The following MBP variants were observed in gnomAD, a reference collection of about 807,000 sequenced individuals.
MBP encodes the protein Golli-MBP.
Under a neutral mutation model 35.8 loss-of-function variants are expected in MBP, and 16 were observed. The ratio of observed to expected loss-of-function variants is 0.45; its 90% confidence interval spans 0.30 to 0.68. The LOEUF (loss-of-function observed/expected upper bound fraction) is 0.68, where lower values mean the gene tolerates loss of function less well. Among genes scored for constraint, MBP ranks in the 30% least tolerant of loss-of-function variants. The pLI, the probability that MBP is intolerant of heterozygous loss-of-function variation, is 0.08. For synonymous variants in MBP, 143 were observed against 159.6 expected (o/e 0.90, Z 0.78); for missense variants, 380 against 404.7 (o/e 0.94, Z 0.52).
At chr18:77,014,719 T>A (rs1452882962) in intron 4 of MBP, 1 of 985,322 alleles carries the variant, frequency 1.0e-6, no homozygotes, top group African/African-American at 1.7e-5. Flanking sequence ...GATAAAATAG[T>A]TGAGTGGAGC....
intron 2 of MBP, among the ~76,000 whole-genome samples, chr18:77,100,366 G>A (rs966035681): frequency 4.6e-5 from 7 of 152,092 alleles, no homozygotes; most frequent in African/African-American, 4.8e-5. Flanking sequence ...AAGAAATGTC[G>A]GTCTTTTAAG....
intron 2 of MBP, among the ~76,000 whole-genome samples, chr18:77,092,365 C>T (rs1453883447): frequency 1.3e-5 from 2 of 152,352 alleles, no homozygotes; most frequent in East Asian, 1.9e-4. Context: ...CCCCTCCACT[C>T]TTCCAGGAAG....
At chr18:77,115,924 G>T (rs1296870234) in intron 1 of MBP, among the ~76,000 whole-genome samples, 1 of 151,988 alleles carries the variant, frequency 6.6e-6, no homozygotes, top group Non-Finnish European at 1.5e-5. Flanking sequence ...ACCTCACTGT[G>T]GTCCCTCAGA....
In MBP at chr18:77,078,126, C is replaced by T. The variant is rs1302081814; in HGVS notation, c.52-11741G>A. Among the ~76,000 whole-genome samples the T allele has an allele frequency of 3.9e-5, 6 of 152,238 alleles. No homozygotes were observed. The East Asian group carries it at 1.2e-3, about 29-fold the overall frequency. On this transcript the variant is annotated intron_variant, in intron 2 of 8. Coordinates refer to ENST00000355994, the MANE Select transcript of MBP (RefSeq NM_001025101.2). ...GAAGATGCATTTTCATGGCTAATCC[C>T]AAACCAACCCTCAAACCCTCTCATC...
At chr18:77,029,220 C>T (rs1972427574) in intron 3 of MBP, among the ~76,000 whole-genome samples, 1 of 145,604 alleles carries the variant, frequency 6.9e-6, no homozygotes, top group Non-Finnish European at 1.5e-5. Flanking sequence ...ACCAGCCCGG[C>T]CAACACAGCG....
At position 77,051,332 on chromosome 18, in the gene MBP, T is replaced by C. The variant is rs997148621; in HGVS notation, c.139+14966A>G. Among the ~76,000 whole-genome samples, 18 of 152,242 alleles carry C rather than the reference T, an allele frequency of 1.2e-4. 1 individual carries two copies. The highest frequency in any genetic ancestry group is 1.2e-3 in the Admixed American group (18 of 15,286). On this transcript the variant is annotated intron_variant, in intron 3 of 8. Coordinates refer to ENST00000355994, the MANE Select transcript of MBP (RefSeq NM_001025101.2). ...ACGCGAGCATCTCTCAGTTGCTTTG[T>C]AGCTCTCTAATGATAAAATTAACCT...
chr18:77,016,312 C>G (rs555478468), intron 4 of MBP: 1 of 987,124 alleles, frequency 1.0e-6, no homozygotes. Flanking sequence ...CCACAGAGAA[C>G]GTTTGCTCAA....
In MBP at chr18:77,057,169, C is replaced by T. The variant is rs762182859; in HGVS notation, c.139+9129G>A. On this transcript the variant is annotated intron_variant, in intron 3 of 8. Transcript: ENST00000355994. Reference sequence around the variant, plus strand: ...ACGCACAGAGGAGAAGTAACTGTTACAGTGTTTGTTTTCACATCTGTCAGA... The same window carrying T: ...ACGCACAGAGGAGAAGTAACTGTTATAGTGTTTGTTTTCACATCTGTCAGA... Among the ~76,000 whole-genome samples the T allele has an allele frequency of 2.6e-5, 4 of 152,150 alleles. No homozygotes were observed. In the South Asian group the frequency reaches 6.2e-4, roughly 24 times the overall value.
At chr18:77,018,288 C>T (rs1001949235) in intron 3 of MBP, among the ~76,000 whole-genome samples, 4 of 148,360 alleles carry the variant, frequency 2.7e-5, no homozygotes, top group Non-Finnish European at 6.0e-5. Context: ...ATCCATCCAT[C>T]CACTCATGCA....
chr18:77,001,444 T>G (rs1970629331), intron 4 of MBP, among the ~76,000 whole-genome samples: 1 of 152,156 alleles, frequency 6.6e-6, no homozygotes, highest in Admixed American at 6.5e-5. Context: ...CACGCTGCAG[T>G]TTTAACAGAT....
chr18:77,014,029 A>G, intron 4 of MBP: 1 of 985,396 alleles, frequency 1.0e-6, no homozygotes, highest in South Asian at 4.7e-5. Context: ...CCCATTCCTC[A>G]TGTGACCCTG....
intron 3 of MBP, among the ~76,000 whole-genome samples, chr18:77,061,826 T>C (rs1425995380): frequency 2.0e-5 from 3 of 152,256 alleles, no homozygotes; most frequent in African/African-American, 7.2e-5. Flanking sequence ...TAAATGTTTC[T>C]GGGATGAATA....
chr18:77,015,910 C>T (rs1204987036), intron 4 of MBP: 3 of 985,330 alleles, frequency 3.0e-6, no homozygotes, highest in East Asian at 2.3e-4. Context: ...TGCACACAGG[C>T]AGAAAAACAG....
intron 4 of MBP, among the ~76,000 whole-genome samples, chr18:76,992,600 C>T (rs1970000685): frequency 6.6e-6 from 1 of 152,180 alleles, no homozygotes; most frequent in South Asian, 2.1e-4. Context: ...CCCCTGGGCC[C>T]TAACGTGGTG....
intron 2 of MBP, chr18:77,068,929 C>T (rs1296649506): frequency 2.2e-6 from 1 of 458,264 alleles, no homozygotes; most frequent in Admixed American, 2.3e-5. Context: ...CAGCCGCCAC[C>T]ACGGAGCTGA....
At chr18:77,066,580 TGCCTAAGC>T (rs995578731) in intron 2 of MBP, 195 bp from the exon 3 acceptor site, 12 of 756,086 alleles carry the variant, frequency 1.6e-5, no homozygotes, top group Admixed American at 1.0e-4. Context: ...TTGTTTTCTC[TGCCTAAGC>T]ACCTAAGCAC....
rs1969040300 is a variant in MBP, at chr18:76,979,024, C to G, written c.*1403G>C. On this transcript the variant is annotated 3_prime_UTR_variant, in exon 9 of 9. Transcript: ENST00000355994. ...GTCTGGAGTTTTGTTCTTTGTAACT[C>G]TCTCATCATCGAGGCTATATATTAA... 1.3e-5 allele frequency: 2 copies of G among 152,118 alleles called. No homozygotes were observed. Among genetic ancestry groups the G allele is most frequent in the Non-Finnish European group, 2.9e-5 (2 of 68,022 alleles). 9.4% of individuals were successfully genotyped at this position (152,118 alleles called of 1,614,324 possible).
intron 1 of MBP, among the ~76,000 whole-genome samples, chr18:77,122,629 G>A (rs9959030): frequency 1.3e-5 from 2 of 152,296 alleles, no homozygotes; most frequent in Admixed American, 6.5e-5. Context: ...TGCAACCTCC[G>A]CCTCCCGGGT....
intron 2 of MBP, among the ~76,000 whole-genome samples, chr18:77,069,417 A>G (rs144862759): frequency 1.2e-3 from 177 of 152,344 alleles, no homozygotes; most frequent in Non-Finnish European, 1.9e-3. Flanking sequence ...TTACAAAATA[A>G]TAAGTGTTAT....
Sources: allele counts gnomAD v4.1 joint callset (sites outside exome capture counted in the v4.1 genomes callset), GRCh38; gene constraint gnomAD v4.1.1; transcripts MANE v1.5; gene names NCBI Gene and HGNC (gene_info 2026-07-23, HGNC 2026-07-21).